The following DENND2C variants were observed in gnomAD, a reference collection of about 807,000 sequenced individuals.
The protein encoded by DENND2C is DENN domain containing 2C, also known as DENN domain-containing protein 2C.
DENND2C carries 72 observed loss-of-function variants against 112.4 expected under a neutral mutation model. The observed-to-expected ratio is 0.64, with a 90% CI of 0.53 to 0.78. The LOEUF (loss-of-function observed/expected upper bound fraction) is 0.78, where lower values mean the gene tolerates loss of function less well. Among genes scored for constraint, DENND2C ranks in the 30% least tolerant of loss-of-function variants. DENND2C has a pLI of 0.00. For missense variants in DENND2C, 992 were observed against 1,113.8 expected (o/e 0.89, Z 1.56); for synonymous variants, 329 against 381.6 (o/e 0.86, Z 1.61).
chr1:114,650,921 C>T (rs952239331), intron 2 of DENND2C, among the ~76,000 whole-genome samples: 1 of 151,940 alleles, frequency 6.6e-6, no homozygotes, highest in Non-Finnish European at 1.5e-5. Context: ...AAATACATCT[C>T]GTATCCTTCA....
chr1:114,633,439 C>CAAAAAAA (rs780884019), intron 3 of DENND2C, among the ~76,000 whole-genome samples: 123 of 48,592 alleles, frequency 2.5e-3, no homozygotes, highest in Non-Finnish European at 3.0e-3. Context: ...GACCCTATCT[C>CAAAAAAA]AAAAAAAAAA....
chr1:114,604,899 A>G, intron 11 of DENND2C, 23 bp downstream of exon 11: 1 of 1,513,634 alleles, frequency 6.6e-7, no homozygotes, highest in Non-Finnish European at 9.2e-7. Context: ...ATGAATAGAA[A>G]TCAGATAAAT....
intron 10 of DENND2C, 106 bp from the exon 11 acceptor site, chr1:114,605,137 A>C: frequency 1.4e-6 from 1 of 724,662 alleles, no homozygotes; most frequent in Non-Finnish European, 2.2e-6. Flanking sequence ...GATAAGCCTG[A>C]GTAGTTGCTG....
At chr1:114,628,571 G>A (rs1166311457) in intron 3 of DENND2C, among the ~76,000 whole-genome samples, 1 of 152,160 alleles carries the variant, frequency 6.6e-6, no homozygotes, top group East Asian at 1.9e-4. Context: ...CTAGATCTAT[G>A]ACTGTTACTG....
chr1:114,636,785 G>A (rs1191464534), intron 3 of DENND2C, among the ~76,000 whole-genome samples: 1 of 151,980 alleles, frequency 6.6e-6, no homozygotes, highest in Non-Finnish European at 1.5e-5. Flanking sequence ...GATTGTAAAT[G>A]TAGGAATTCC....
chr1:114,667,314 T>C (rs912821473), intron 1 of DENND2C, among the ~76,000 whole-genome samples: 8 of 152,224 alleles, frequency 5.3e-5, no homozygotes, highest in Non-Finnish European at 8.8e-5. Flanking sequence ...GCTCTTATCA[T>C]GCTGAAATTG....
chr1:114,638,415 T>A (rs1007221015), intron 3 of DENND2C, among the ~76,000 whole-genome samples: 1 of 152,106 alleles, frequency 6.6e-6, no homozygotes, highest in African/African-American at 2.4e-5. Flanking sequence ...AATGGATACA[T>A]TGGACTTCAT....
chr1:114,640,466 T>C (rs1385206333), intron 3 of DENND2C, among the ~76,000 whole-genome samples: 1 of 152,206 alleles, frequency 6.6e-6, no homozygotes, highest in Non-Finnish European at 1.5e-5. Context: ...TGAAATAAGA[T>C]AGTGTAGAAT....
At chr1:114,587,513 T>C (rs1257634861) in intron 19 of DENND2C, 40 bp from the exon 20 acceptor site, 1 of 1,602,210 alleles carries the variant, frequency 6.2e-7, no homozygotes, top group African/African-American at 1.3e-5. Flanking sequence ...TGTGTAACAC[T>C]CCAGACTGGG....
intron 18 of DENND2C, among the ~76,000 whole-genome samples, chr1:114,592,794 C>T (rs1268191223): frequency 4.6e-5 from 7 of 152,230 alleles, no homozygotes; most frequent in African/African-American, 1.7e-4. Context: ...CTGTCTTGAA[C>T]CCTCTCCCAT....
rs1450400421 is a variant in DENND2C at position 114,600,921 on chromosome 1, C to CT, written c.1854dup (p.Ala619SerfsTer25). On this transcript the variant is annotated frameshift_variant, in exon 14 of 21. Transcript: ENST00000393274. LOFTEE classifies it high-confidence loss of function. ...CTTCGCATGAATGGGTAAACAAGGG[C>CT]TGGAGACATTTCTCTTCTCTTCTCT... 6.2e-7 allele frequency: 1 copy of CT among 1,613,808 alleles called. No homozygotes were observed. Among genetic ancestry groups the CT allele is most frequent in the Non-Finnish European group, 8.5e-7 (1 of 1,179,864 alleles).
At chr1:114,600,138 C>T (rs1011916007) in intron 15 of DENND2C, 66 bp downstream of exon 15, 1 of 1,541,326 alleles carries the variant, frequency 6.5e-7, no homozygotes, top group Non-Finnish European at 8.7e-7. Context: ...AAAAAAATGC[C>T]CCAATTTTAA....
chr1:114,666,445 C>T (rs1296040145), intron 1 of DENND2C, among the ~76,000 whole-genome samples: 2 of 152,086 alleles, frequency 1.3e-5, no homozygotes, highest in African/African-American at 4.8e-5. Flanking sequence ...GACTTTTTTC[C>T]CTCTTTTTCT....
At position 114,611,125 on chromosome 1, in the gene DENND2C, G is replaced by C. The variant is rs1007079925; in HGVS notation, c.1325-8C>G. 6.2e-7 allele frequency: 1 copy of C among 1,614,028 alleles called. No individual in the cohort carries two copies. Among genetic ancestry groups the C allele is most frequent in the African/African-American group, 1.3e-5 (1 of 74,924 alleles). Reference sequence around the variant, plus strand: ...CGTTCCCACTGGTTTCACCTGAAAAGAGAGAAGGAGTTTCCATTTGTATTG... The same window carrying C: ...CGTTCCCACTGGTTTCACCTGAAAACAGAGAAGGAGTTTCCATTTGTATTG... On this transcript the variant is annotated splice_polypyrimidine_tract_variant and splice_region_variant and intron_variant, in intron 8 of 20. Coordinates refer to ENST00000393274, the MANE Select transcript of DENND2C (RefSeq NM_001256404.2).
intron 10 of DENND2C, among the ~76,000 whole-genome samples, chr1:114,607,360 G>A (rs900087993): frequency 2.6e-5 from 4 of 152,168 alleles, no homozygotes; most frequent in Non-Finnish European, 4.4e-5. Flanking sequence ...AACTACACTG[G>A]TCACCTGCTC....
chr1:114,596,008 T>C (rs1330153804), intron 16 of DENND2C, 135 bp from the exon 17 acceptor site: 1 of 737,654 alleles, frequency 1.4e-6, no homozygotes, highest in Non-Finnish European at 2.3e-6. Flanking sequence ...CAACAAAAAA[T>C]AAATTGCAAG....
At chr1:114,652,424 G>T (rs903556396) in intron 2 of DENND2C, among the ~76,000 whole-genome samples, 1 of 152,020 alleles carries the variant, frequency 6.6e-6, no homozygotes, top group South Asian at 2.1e-4. Flanking sequence ...TTCTCAAATG[G>T]GGGGTGGGCA....
chr1:114,628,739 G>A (rs1029711010), intron 3 of DENND2C, among the ~76,000 whole-genome samples: 6 of 152,208 alleles, frequency 3.9e-5, no homozygotes. Flanking sequence ...TTTTCTTACA[G>A]GAACCTCACA....
chr1:114,623,894 G>A (rs1326851079), intron 4 of DENND2C, among the ~76,000 whole-genome samples: 2 of 152,052 alleles, frequency 1.3e-5, no homozygotes, highest in Non-Finnish European at 2.9e-5. Flanking sequence ...GTGCCACCAT[G>A]CTCAGCTCTT....
Sources: allele counts gnomAD v4.1 joint callset (sites outside exome capture counted in the v4.1 genomes callset), GRCh38; gene constraint gnomAD v4.1.1; transcripts MANE v1.5; gene names NCBI Gene and HGNC (gene_info 2026-07-23, HGNC 2026-07-21).